PPFIA2: variants seen among roughly 807,000 people sequenced by gnomAD.
The protein encoded by PPFIA2 is PPFI scaffold protein A2.
In PPFIA2, 46 loss-of-function variants were observed where a neutral mutation model predicts 175.5. The observed-to-expected ratio is 0.26, with a 90% CI of 0.21 to 0.34. The LOEUF (loss-of-function observed/expected upper bound fraction) is 0.34, where lower values mean the gene tolerates loss of function less well. Ranked by LOEUF, PPFIA2 falls within the 10% of genes least tolerant of loss-of-function variation. The pLI is 1.00. For missense variants in PPFIA2, 1,179 were observed against 1,506.1 expected (o/e 0.78, Z 3.60); for synonymous variants, 568 against 511.4 (o/e 1.11, Z -1.49).
At chr12:81,391,953 C>T (rs2040208973) in intron 8 of PPFIA2, among the ~76,000 whole-genome samples, 1 of 151,766 alleles carries the variant, frequency 6.6e-6, no homozygotes, top group Non-Finnish European at 1.5e-5. Context: ...GATGTGTGTT[C>T]TTGAGATCAT....
chr12:81,657,272 C>T (rs1193603690), intron 4 of PPFIA2, among the ~76,000 whole-genome samples: 1 of 152,178 alleles, frequency 6.6e-6, no homozygotes, highest in Admixed American at 6.5e-5. Context: ...TTTGCAATTT[C>T]CTACAAAGCC....
intron 3 of PPFIA2, among the ~76,000 whole-genome samples, chr12:81,742,425 T>C (rs1011002440): frequency 2.6e-5 from 4 of 152,174 alleles, no homozygotes; most frequent in Admixed American, 2.0e-4. Context: ...ATTCTGCACA[T>C]ACTTTGCAGG....
intron 8 of PPFIA2, among the ~76,000 whole-genome samples, chr12:81,393,051 C>T (rs2040443579): frequency 6.6e-6 from 1 of 151,898 alleles, no homozygotes; most frequent in South Asian, 2.1e-4. Flanking sequence ...TTTTTCTAAC[C>T]TTGTTTCTTA....
At chr12:81,331,367 T>C (rs367936461) in intron 21 of PPFIA2, among the ~76,000 whole-genome samples, 1 of 152,186 alleles carries the variant, frequency 6.6e-6, no homozygotes, top group East Asian at 1.9e-4. Flanking sequence ...TTATATTATT[T>C]AGGTTTGTGC....
intron 4 of PPFIA2, among the ~76,000 whole-genome samples, chr12:81,520,816 A>G (rs1251731160): frequency 6.6e-6 from 1 of 152,194 alleles, no homozygotes; most frequent in East Asian, 1.9e-4. Flanking sequence ...CTGAACACAG[A>G]ATCAGTGACA....
At position 81,343,631 on chromosome 12, in the gene PPFIA2, T is replaced by C. The variant is rs78301848; in HGVS notation, c.2262+1033A>G. ...GATGCTGAGGAATAGATTTTTGCAC[T>C]GAATAGAAGTTTGAATCTTTGAAAT... On this transcript the variant is annotated intron_variant, in intron 19 of 32. Transcript: ENST00000549396. Among the ~76,000 whole-genome samples the C allele has an allele frequency of 7.7e-3, 1,176 of 152,204 alleles. 15 individuals carry two copies. Among genetic ancestry groups the C allele is most frequent in the East Asian group, 0.028 (144 of 5,168 alleles).
chr12:81,707,077 A>C (rs941190126), intron 3 of PPFIA2, among the ~76,000 whole-genome samples: 20 of 152,342 alleles, frequency 1.3e-4, no homozygotes, highest in Admixed American at 1.2e-3. Flanking sequence ...CCTAGAAAAA[A>C]ACCTAGGCAT....
In PPFIA2 at chr12:81,746,975, A is replaced by G. The variant is rs116485360; in HGVS notation, c.249+6998T>C. ...CACAAAGAATTCAAGGGACATGGAGAATATGAAAGCATCACTAGATTTGCA... is the reference window on the plus strand; with the variant it reads ...CACAAAGAATTCAAGGGACATGGAGGATATGAAAGCATCACTAGATTTGCA... On this transcript the variant is annotated intron_variant, in intron 3 of 32. Transcript: ENST00000549396. 5.8e-3 allele frequency among the ~76,000 whole-genome samples: 841 copies of G among 144,102 alleles called. 31 individuals are homozygous for G. The highest frequency in any genetic ancestry group is 0.02 in the African/African-American group (809 of 41,166). The allele number at this position is 144,102 out of a possible 152,430, so 94.5% of individuals were successfully genotyped here. A position where few individuals can be genotyped will look rare whatever the true frequency, so the allele number is the denominator to read the frequency against.
At chr12:81,449,926 G>C (rs1459437009) in intron 5 of PPFIA2, among the ~76,000 whole-genome samples, 7 of 151,950 alleles carry the variant, frequency 4.6e-5, no homozygotes, top group Non-Finnish European at 8.8e-5. Context: ...TGCTGAGAAT[G>C]ATGGTTTCCA....
intron 22 of PPFIA2, among the ~76,000 whole-genome samples, chr12:81,307,702 T>C (rs2049638078): frequency 1.3e-5 from 2 of 152,150 alleles, no homozygotes; most frequent in Admixed American, 1.3e-4. Flanking sequence ...CACAAATCTT[T>C]TTGTAAGACT....
intron 5 of PPFIA2, among the ~76,000 whole-genome samples, chr12:81,448,887 C>T (rs1250187214): frequency 6.6e-6 from 1 of 152,132 alleles, no homozygotes; most frequent in African/African-American, 2.4e-5. Context: ...TGCTTTGTGT[C>T]ATTAAGTTTT....
intron 26 of PPFIA2, 26 bp downstream of exon 26, chr12:81,282,984 G>T (rs774124709): frequency 6.9e-6 from 11 of 1,593,132 alleles, no homozygotes; most frequent in Non-Finnish European, 8.6e-6. Flanking sequence ...TGATATTAAG[G>T]GTCTTAAAGC....
intron 4 of PPFIA2, among the ~76,000 whole-genome samples, chr12:81,550,331 G>A (rs899172763): frequency 5.9e-5 from 9 of 151,944 alleles, no homozygotes; most frequent in African/African-American, 2.2e-4. Flanking sequence ...ATAAGAATTT[G>A]CTAGGCACTT....
intron 4 of PPFIA2, among the ~76,000 whole-genome samples, chr12:81,553,357 T>C (rs1195410086): frequency 6.6e-6 from 1 of 152,098 alleles, no homozygotes; most frequent in Non-Finnish European, 1.5e-5. Context: ...TTTTCAAAGA[T>C]GGATACCAGA....
intron 4 of PPFIA2, among the ~76,000 whole-genome samples, chr12:81,469,100 G>A (rs902345683): frequency 6.6e-6 from 1 of 152,136 alleles, no homozygotes; most frequent in Non-Finnish European, 1.5e-5. Context: ...TTCAAATAAT[G>A]TAACATGCTC....
intron 8 of PPFIA2, among the ~76,000 whole-genome samples, chr12:81,394,304 T>C (rs981180954): frequency 3.3e-5 from 5 of 151,976 alleles, no homozygotes; most frequent in African/African-American, 4.8e-5. Context: ...ATATTTTAGA[T>C]AGTCAAAAAA....
At chr12:81,541,679 A>T (rs529995244) in intron 4 of PPFIA2, among the ~76,000 whole-genome samples, 3 of 152,024 alleles carry the variant, frequency 2.0e-5, no homozygotes, top group African/African-American at 7.2e-5. Flanking sequence ...AATAAAAAAA[A>T]CCCTGCTAAT....
intron 4 of PPFIA2, among the ~76,000 whole-genome samples, chr12:81,665,355 T>G (rs115363180): frequency 0.021 from 3,190 of 152,130 alleles, 137 homozygotes; most frequent in African/African-American, 0.073. Context: ...AACAATATGT[T>G]AAGATATTTC....
intron 16 of PPFIA2, among the ~76,000 whole-genome samples, chr12:81,355,823 T>C (rs768916347): frequency 6.6e-6 from 1 of 152,200 alleles, no homozygotes; most frequent in Non-Finnish European, 1.5e-5. Context: ...GGTTATGCTT[T>C]GGTTTAAGGG....
Sources: gnomAD v4.1 joint callset for allele counts (sites outside exome capture counted in the v4.1 genomes callset) on GRCh38, gnomAD v4.1.1 for gene constraint, MANE v1.5 for transcripts, NCBI Gene and HGNC (gene_info 2026-07-23, HGNC 2026-07-21) for gene names.